The following PKHD1 variants were observed in gnomAD, a reference collection of about 807,000 sequenced individuals.
The protein encoded by PKHD1 is fibrocystin.
Under a neutral mutation model 412.0 loss-of-function variants are expected in PKHD1, and 291 were observed. The ratio of observed to expected loss-of-function variants is 0.71; its 90% CI spans 0.64 to 0.78. The LOEUF (loss-of-function observed/expected upper bound fraction) is 0.78, where lower values mean the gene tolerates loss of function less well. Ranked by LOEUF, PKHD1 falls within the 30% of genes least tolerant of loss-of-function variation. PKHD1 has a pLI of 0.00. For missense variants in PKHD1, 4,825 were observed against 4,950.7 expected (o/e 0.97, Z 0.76); for synonymous variants, 1,777 against 1,821.5 (o/e 0.98, Z 0.62).
chr6:51,940,128 T>C (rs1409700296), intron 36 of PKHD1, among the ~76,000 whole-genome samples: 1 of 151,660 alleles, frequency 6.6e-6, no homozygotes, highest in East Asian at 1.9e-4. Flanking sequence ...AACCCTGAGA[T>C]GCTTTACAGC....
At chr6:51,740,312 T>C (rs1784409121) in intron 60 of PKHD1, among the ~76,000 whole-genome samples, 1 of 152,232 alleles carries the variant, frequency 6.6e-6, no homozygotes, top group Non-Finnish European at 1.5e-5. Flanking sequence ...TTGCTCCTAA[T>C]ATGACAATAT....
chr6:51,925,319 A>G (rs371007958), intron 37 of PKHD1, among the ~76,000 whole-genome samples: 1 of 152,218 alleles, frequency 6.6e-6, no homozygotes, highest in African/African-American at 2.4e-5. Flanking sequence ...TCGTGTGTCT[A>G]AAATACGATA....
intron 6 of PKHD1, among the ~76,000 whole-genome samples, chr6:52,075,960 TG>T (rs1269417117): frequency 1.2e-4 from 18 of 152,342 alleles, no homozygotes; most frequent in African/African-American, 4.1e-4. Context: ...TTTATTATTA[TG>T]GGAATGATTA....
At chr6:51,622,571 A>G (rs574221327) in intron 66 of PKHD1, 59 of 152,352 alleles carry the variant, frequency 3.9e-4, no homozygotes, top group African/African-American at 1.3e-3. Flanking sequence ...TAATGCTTCT[A>G]TCTTCTCTAG....
At chr6:51,950,220 A>AAAAAATATATATATATATATATATATAT in intron 36 of PKHD1, among the ~76,000 whole-genome samples, 3 of 98,320 alleles carry the variant, frequency 3.1e-5, no homozygotes, top group African/African-American at 7.6e-5. Flanking sequence ...GAAAAAAAAA[A>AAAAAATATATATATATATATATATATAT]ATATATATAT....
rs1766115251 is a variant in PKHD1 at position 51,616,887 on chromosome 6, G to A, written c.*2194C>T. On this transcript the variant is annotated 3_prime_UTR_variant, in exon 67 of 67. Transcript: ENST00000371117. The stretch of plus-strand genomic sequence containing the variant: ...CTAACTCTTTGTGAAGGGCGAAATA[G>A]AATGAAGAGTCATGACTGACTTCTA... 1 of 386,982 alleles carries A rather than the reference G, an allele frequency of 2.6e-6. No homozygotes were observed. The highest frequency in any genetic ancestry group is 2.1e-5 in the African/African-American group (1 of 48,338). The allele number at this position is 386,982 out of a possible 1,614,324, so 24.0% of individuals were successfully genotyped here.
intron 60 of PKHD1, among the ~76,000 whole-genome samples, chr6:51,667,927 C>A (rs923398270): frequency 1.1e-4 from 17 of 152,040 alleles, no homozygotes; most frequent in Admixed American, 9.8e-4. Flanking sequence ...GTAGCAGTAC[C>A]ATGCTGTTTT....
chr6:51,765,385 G>C lies in PKHD1; in HGVS notation c.8642+7317C>G, dbSNP rs144618242. ...ATCCTCCTGCATAAAACCCTTCAGT[G>C]ATTTCCCCTTTGACCTCTTATACCT... On this transcript the variant is annotated intron_variant, in intron 55 of 66. Coordinates refer to ENST00000371117, the MANE Select transcript of PKHD1 (RefSeq NM_138694.4). Among the ~76,000 whole-genome samples the C allele has an allele frequency of 2.9e-3, 434 of 152,244 alleles. 3 individuals are homozygous for C. The highest frequency in any genetic ancestry group is 0.01 in the African/African-American group (419 of 41,574).
chr6:51,987,344 A>G (rs1796345322), intron 35 of PKHD1, among the ~76,000 whole-genome samples: 1 of 152,246 alleles, frequency 6.6e-6, no homozygotes, highest in Non-Finnish European at 1.5e-5. Context: ...ACACTGAATG[A>G]GCATTTATTA....
chr6:52,050,259 C>T lies in PKHD1; in HGVS notation c.2177G>A (p.Gly726Asp), dbSNP rs1476464417. 1 of 1,614,010 alleles carries T rather than the reference C, an allele frequency of 6.2e-7. No individual in the cohort carries two copies. Among genetic ancestry groups the T allele is most frequent in the Admixed American group, 1.7e-5 (1 of 60,026 alleles). Residue 726 changes from glycine (G) to aspartate (D), a missense_variant, in exon 22 of 67, where the codon GGC becomes GAC. By Grantham distance (94) the Gly-to-Asp change is moderately conservative. Transcript: ENST00000371117. ...CACAGAGACTGATTCCACCAGATTG[C>T]CCCCTGGGCGAGCCGTTCCAGAATC... ...QADSGTARPGGNLVESVSVVG... is the reference protein window; with the variant it reads ...QADSGTARPGDNLVESVSVVG...
intron 43 of PKHD1, among the ~76,000 whole-genome samples, chr6:51,893,295 T>C (rs947595120): frequency 6.6e-5 from 10 of 152,232 alleles, no homozygotes; most frequent in Non-Finnish European, 1.3e-4. Flanking sequence ...CCAGCACAGA[T>C]GCTCAGAAAG....
chr6:51,819,680 C>A (rs896292108), intron 52 of PKHD1, among the ~76,000 whole-genome samples: 1 of 152,188 alleles, frequency 6.6e-6, no homozygotes, highest in Non-Finnish European at 1.5e-5. Context: ...GGCAAAGTGG[C>A]ACATAATAAG....
At chr6:51,785,647 T>C (rs990000588) in intron 53 of PKHD1, among the ~76,000 whole-genome samples, 31 of 152,206 alleles carry the variant, frequency 2.0e-4, no homozygotes, top group African/African-American at 7.0e-4. Context: ...ATTGCCTCTT[T>C]TGTTTCAAGA....
chr6:51,653,263 C>T (rs1229811794), intron 61 of PKHD1, among the ~76,000 whole-genome samples: 1 of 152,000 alleles, frequency 6.6e-6, no homozygotes, highest in Non-Finnish European at 1.5e-5. Flanking sequence ...ATTTTCTTAC[C>T]TTTCATGGTC....
intron 66 of PKHD1, among the ~76,000 whole-genome samples, chr6:51,619,892 T>C (rs1766395558): frequency 2.0e-5 from 3 of 152,354 alleles, no homozygotes; most frequent in Middle Eastern, 6.8e-3. Flanking sequence ...TTAAGAGATA[T>C]GAACTATAAA....
chr6:51,707,526 T>G (rs1407308992), intron 60 of PKHD1, among the ~76,000 whole-genome samples: 3 of 152,178 alleles, frequency 2.0e-5, no homozygotes. Flanking sequence ...TTAAAACATG[T>G]CTAAGACCTC....
At chr6:51,738,362 T>C (rs572509220) in intron 60 of PKHD1, among the ~76,000 whole-genome samples, 16 of 152,206 alleles carry the variant, frequency 1.1e-4, no homozygotes, top group Non-Finnish European at 1.8e-4. Context: ...AATGAGGGGA[T>C]GTTGGTCAAA....
chr6:51,770,144 T>C (rs908033226), intron 55 of PKHD1, among the ~76,000 whole-genome samples: 1 of 151,766 alleles, frequency 6.6e-6, no homozygotes, highest in African/African-American at 2.4e-5. Flanking sequence ...TTAAAAGATT[T>C]GGAACTGAAA....
intron 21 of PKHD1, 86 bp from the exon 22 acceptor site, chr6:52,050,381 C>T: frequency 7.7e-7 from 1 of 1,305,548 alleles, no homozygotes; most frequent in Non-Finnish European, 1.1e-6. Context: ...ATGTGAGTTA[C>T]TCAGATCTCA....
Sources: gnomAD v4.1 joint callset for allele counts (sites outside exome capture counted in the v4.1 genomes callset) on GRCh38, gnomAD v4.1.1 for gene constraint, MANE v1.5 for transcripts, NCBI Gene and HGNC (gene_info 2026-07-23, HGNC 2026-07-21) for gene names.